Variants in GABRR2 observed in about 807,000 individuals in gnomAD.
GABRR2 encodes the protein gamma-aminobutyric acid receptor subunit rho-2.
A neutral mutation model predicts 47.0 loss-of-function variants in GABRR2; 36 were observed. That is an observed-to-expected ratio of 0.77 (90% CI 0.59 to 1.01). The LOEUF is 1.01. GABRR2 is among the 50% of genes least tolerant of loss of function. The pLI is 0.00. For synonymous variants in GABRR2, 204 were observed against 227.5 expected (o/e 0.90, Z 0.93); for missense variants, 587 against 594.6 (o/e 0.99, Z 0.13).
intron 2 of GABRR2, among the ~76,000 whole-genome samples, chr6:89,278,710 T>A (rs1360233726): frequency 2.6e-5 from 4 of 152,224 alleles, no homozygotes; most frequent in Admixed American, 6.5e-5. Context: ...AGAGCAACTG[T>A]CTTTCTGCTT....
chr6:89,260,558 A>G (rs989118219), intron 8 of GABRR2, among the ~76,000 whole-genome samples: 1 of 152,204 alleles, frequency 6.6e-6, no homozygotes, highest in Admixed American at 6.5e-5. Flanking sequence ...TCTCGCCTGC[A>G]CTTGTCTGCC....
chr6:89,271,226 G>A (rs1455039187), intron 3 of GABRR2, among the ~76,000 whole-genome samples: 5 of 152,190 alleles, frequency 3.3e-5, no homozygotes, highest in African/African-American at 1.2e-4. Context: ...GTAGAATTGG[G>A]GTAGACATGG....
chr6:89,257,347 G>A lies in GABRR2; in HGVS notation c.*323C>T, dbSNP rs529578115. ...ACAACTGACTCCTAGGCAATCTGAG[G>A]GTCTAAGAATGTCTAGGAGGCATTT... On this transcript the variant is annotated 3_prime_UTR_variant, in exon 9 of 9. Coordinates refer to ENST00000402938, the MANE Select transcript of GABRR2 (RefSeq NM_002043.5). The A allele has an allele frequency of 1.0e-4, 30 of 288,464 alleles. No individual in the cohort carries two copies. Among genetic ancestry groups the A allele is most frequent in the Non-Finnish European group, 1.7e-4 (27 of 154,740 alleles). 17.9% of individuals were successfully genotyped at this position (288,464 alleles called of 1,614,324 possible). A position where few individuals can be genotyped will look rare whatever the true frequency, so the allele number is the denominator to read the frequency against.
intron 2 of GABRR2, among the ~76,000 whole-genome samples, chr6:89,285,284 T>C (rs1774314554): frequency 6.6e-6 from 1 of 152,252 alleles, no homozygotes; most frequent in African/African-American, 2.4e-5. Context: ...TTATATGGCT[T>C]GACTTTGCAT....
At chr6:89,266,058 TGG>T (rs1773887816) in intron 6 of GABRR2, among the ~76,000 whole-genome samples, 1 of 152,142 alleles carries the variant, frequency 6.6e-6, no homozygotes, top group South Asian at 2.1e-4. Context: ...TTTAGTCGTT[TGG>T]GTTTTTGTTT....
intron 2 of GABRR2, among the ~76,000 whole-genome samples, chr6:89,296,151 C>A (rs1774549586): frequency 1.3e-5 from 2 of 152,244 alleles, no homozygotes; most frequent in Admixed American, 6.5e-5. Flanking sequence ...TCACAGAGAC[C>A]TGCCCATGAG....
chr6:89,299,733 C>A (rs542906027), intron 2 of GABRR2, 26 bp downstream of exon 2: 1 of 1,533,104 alleles, frequency 6.5e-7, no homozygotes, highest in African/African-American at 1.4e-5. Context: ...AACCTCCCAC[C>A]TGGCATCAAG....
intron 2 of GABRR2, 40 bp downstream of exon 2, chr6:89,299,719 G>A: frequency 1.4e-6 from 2 of 1,407,498 alleles, no homozygotes; most frequent in South Asian, 1.2e-5. Flanking sequence ...ACATCCCTGG[G>A]GCCAACCTCC....
chr6:89,272,612 C>G (rs62416349), intron 2 of GABRR2, among the ~76,000 whole-genome samples: 23,639 of 152,174 alleles, frequency 0.16, 1,976 homozygotes, highest in African/African-American at 0.2. Flanking sequence ...CATTACACTG[C>G]AAGTCAGGTG....
chr6:89,265,829 G>A (rs1773882910), intron 6 of GABRR2, 64 bp from the exon 7 acceptor site: 3 of 1,539,946 alleles, frequency 1.9e-6, no homozygotes, highest in Non-Finnish European at 1.8e-6. Context: ...CTGTGTCCCT[G>A]GGAACCCGTC....
At chr6:89,263,470 C>CGACT (rs1463929459) in intron 8 of GABRR2, among the ~76,000 whole-genome samples, 39 of 152,026 alleles carry the variant, frequency 2.6e-4, no homozygotes, top group Non-Finnish European at 7.4e-5. Flanking sequence ...GTTCAAGGAT[C>CGACT]GACTGTAGTA....
intron 2 of GABRR2, among the ~76,000 whole-genome samples, chr6:89,277,884 C>T (rs1774194542): frequency 7.0e-6 from 1 of 142,966 alleles, no homozygotes; most frequent in Non-Finnish European, 1.5e-5. Flanking sequence ...GGGGTGGGGG[C>T]TGCAAATTGG....
chr6:89,276,226 G>T (rs1024231316), intron 2 of GABRR2, among the ~76,000 whole-genome samples: 2 of 150,176 alleles, frequency 1.3e-5, no homozygotes. Context: ...ACAATAACCA[G>T]CAGGAAAATA....
chr6:89,292,347 TA>T (rs1562378799), intron 2 of GABRR2, among the ~76,000 whole-genome samples: 1 of 2,712 alleles, frequency 3.7e-4, no homozygotes, highest in Non-Finnish European at 4.7e-4. Context: ...AAAAAAATTT[TA>T]TATATATATA....
intron 1 of GABRR2, among the ~76,000 whole-genome samples, chr6:89,311,744 C>T (rs948370605): frequency 7.9e-5 from 12 of 152,166 alleles, no homozygotes; most frequent in Admixed American, 1.3e-4. Flanking sequence ...AACTGCAGGA[C>T]GTTAGGCAGA....
chr6:89,269,005 A>G lies in GABRR2; in HGVS notation c.512+6T>C. 1 of 1,612,476 alleles carries G rather than the reference A, an allele frequency of 6.2e-7. No homozygotes were observed. Among genetic ancestry groups the G allele is most frequent in the Non-Finnish European group, 8.5e-7 (1 of 1,178,428 alleles). ...GACAGAGGAACAATGGCCCCCAGAC[A>G]GCTACCTCATGCTGTACAGCACGTG... On this transcript the variant is annotated splice_donor_region_variant and intron_variant, in intron 4 of 8. Transcript: ENST00000402938.
At position 89,265,634 on chromosome 6, in the gene GABRR2, C is replaced by T; in HGVS notation, c.868G>A (p.Val290Met). Residue 290 changes from valine to methionine, a missense_variant, in exon 7 of 9, where the codon GTG becomes ATG. By Grantham distance (21) the Val-to-Met change is conservative. Transcript: ENST00000402938. ...WVSFWIDRRAVPARVSLGITT... is the reference protein window; with the variant it reads ...WVSFWIDRRAMPARVSLGITT... Reference sequence around the variant, plus strand: ...TTACCCAGTGAAACTCTGGCAGGCACAGCTCTGCGGTCGATCCAGAAGGAC... The same window carrying T: ...TTACCCAGTGAAACTCTGGCAGGCATAGCTCTGCGGTCGATCCAGAAGGAC... 1.9e-6 allele frequency: 3 copies of T among 1,614,004 alleles called. No homozygotes were observed. The highest frequency in any genetic ancestry group is 2.5e-6 in the Non-Finnish European group (3 of 1,179,956).
chr6:89,258,094 T>C, intron 8 of GABRR2, 113 bp from the exon 9 acceptor site: 2 of 993,060 alleles, frequency 2.0e-6, no homozygotes, highest in Non-Finnish European at 1.5e-6. Flanking sequence ...AAGATAGAAC[T>C]AGAAAGATCT....
intron 1 of GABRR2, among the ~76,000 whole-genome samples, chr6:89,314,393 C>A (rs1475128279): frequency 6.6e-6 from 1 of 152,158 alleles, no homozygotes; most frequent in Non-Finnish European, 1.5e-5. Context: ...AAATAAACTT[C>A]CTAAGGAACT....
Sources: gnomAD v4.1 joint callset for allele counts (sites outside exome capture counted in the v4.1 genomes callset) on GRCh38, gnomAD v4.1.1 for gene constraint, MANE v1.5 for transcripts, NCBI Gene and HGNC (gene_info 2026-07-23, HGNC 2026-07-21) for gene names.